The following CHLSN variants were observed in gnomAD, a reference collection of about 807,000 sequenced individuals.
The protein encoded by CHLSN is cholesin.
chr7:1,016,581 GCA>G, the CHLSN span, among the ~76,000 whole-genome samples: 1 of 134,074 alleles, frequency 7.5e-6, no homozygotes, highest in Non-Finnish European at 1.6e-5. Flanking sequence ...GTACACAGCA[GCA>G]CACAGCACCA....
the CHLSN span, among the ~76,000 whole-genome samples, chr7:1,016,491 C>CGCACAGCAGCACAGT: frequency 6.6e-5 from 9 of 135,986 alleles, no homozygotes; most frequent in Middle Eastern, 4.6e-3. Context: ...CAGCACACAG[C>CGCACAGCAGCACAGT]AGCGCACAGC....
chr7:1,096,916 G>A, the CHLSN span, among the ~76,000 whole-genome samples: 7 of 152,142 alleles, frequency 4.6e-5, no homozygotes, highest in African/African-American at 1.7e-4. This position sits in a 1 kb window ranked among gnomAD's most constrained non-coding sequence, Gnocchi z 4.6. Context: ...ACCTTCTTAG[G>A]AGGGTGTTTC....
At chr7:1,099,145 CGG>C in the CHLSN span, among the ~76,000 whole-genome samples, 1 of 137,916 alleles carries the variant, frequency 7.3e-6, no homozygotes, top group Non-Finnish European at 1.6e-5. Context: ...CCTCCCCTTC[CGG>C]AGCCTCGCTG....
chr7:1,016,721 G>A, the CHLSN span, among the ~76,000 whole-genome samples: 1 of 117,528 alleles, frequency 8.5e-6, no homozygotes, highest in Non-Finnish European at 1.8e-5. Flanking sequence ...GCGCACAGCA[G>A]CACACAGCAG....
chr7:1,093,538 C>T, the CHLSN span: 7 of 470,902 alleles, frequency 1.5e-5, no homozygotes, highest in Admixed American at 2.3e-5. Flanking sequence ...GTGGAGCGCC[C>T]GCCGTCTGCT....
chr7:1,055,589 G>A, the CHLSN span: 3 of 377,396 alleles, frequency 7.9e-6, no homozygotes, highest in East Asian at 2.2e-4. Context: ...AGGTGGGAGA[G>A]AGGACGCAGG....
chr7:1,131,066 CT>C, the CHLSN span, among the ~76,000 whole-genome samples: 1 of 151,892 alleles, frequency 6.6e-6, no homozygotes, highest in Admixed American at 6.6e-5. Context: ...TGGTGCACAC[CT>C]GTGGTCCCAG....
the CHLSN span, among the ~76,000 whole-genome samples, chr7:1,100,117 G>A: frequency 6.6e-6 from 1 of 152,252 alleles, no homozygotes; most frequent in Non-Finnish European, 1.5e-5. Flanking sequence ...GCCAGGTGGA[G>A]GGTGCTGAGT....
the CHLSN span, among the ~76,000 whole-genome samples, chr7:1,012,142 G>T: frequency 6.6e-6 from 1 of 152,260 alleles, no homozygotes; most frequent in Non-Finnish European, 1.5e-5. Context: ...CCCACTCCAT[G>T]GGCCACGCAG....
the CHLSN span, among the ~76,000 whole-genome samples, chr7:1,101,036 C>T: frequency 8.5e-4 from 130 of 152,354 alleles, no homozygotes; most frequent in African/African-American, 1.6e-3. Context: ...GGACACAGCC[C>T]GTTTCAGGGA....
the CHLSN span, chr7:1,127,390 C>A: frequency 6.3e-7 from 1 of 1,598,216 alleles, no homozygotes; most frequent in Middle Eastern, 1.7e-4. Context: ...TGCCATCCTG[C>A]AACAGAGAAA....
chr7:1,082,100 C>T, the CHLSN span: 1 of 152,268 alleles, frequency 6.6e-6, no homozygotes, highest in Non-Finnish European at 1.5e-5. Context: ...TGGACAGCCT[C>T]ACGCAGCTTT....
At chr7:1,121,396 C>G in the CHLSN span, among the ~76,000 whole-genome samples, 1 of 152,250 alleles carries the variant, frequency 6.6e-6, no homozygotes, top group African/African-American at 2.4e-5. Flanking sequence ...CACAATCCCA[C>G]TGCCAGGGCA....
chr7:1,009,849 A>T, the CHLSN span: 2 of 1,075,894 alleles, frequency 1.9e-6, no homozygotes, highest in South Asian at 1.7e-5. Context: ...TCACTGCTCT[A>T]GAACCTTCCA....
At chr7:978,623 G>T in the CHLSN span, among the ~76,000 whole-genome samples, 1 of 152,252 alleles carries the variant, frequency 6.6e-6, no homozygotes, top group Admixed American at 6.5e-5. Context: ...CTGGAGCAGT[G>T]CCTGGCACGC....
the CHLSN span, among the ~76,000 whole-genome samples, chr7:1,004,098 G>A: frequency 2.0e-5 from 3 of 152,030 alleles, no homozygotes; most frequent in African/African-American, 7.3e-5. Context: ...CAGTGACGCA[G>A]GGCTCCTGCG....
At chr7:1,133,068 C>T in the CHLSN span, among the ~76,000 whole-genome samples, 8 of 152,078 alleles carry the variant, frequency 5.3e-5, no homozygotes, top group South Asian at 2.1e-4. Flanking sequence ...GGAAACAAGA[C>T]GTGGCGTATT....
the CHLSN span, among the ~76,000 whole-genome samples, chr7:993,176 G>A: frequency 6.6e-6 from 1 of 152,218 alleles, no homozygotes; most frequent in Non-Finnish European, 1.5e-5. Flanking sequence ...TGAGGTCCCA[G>A]TGGGCGGGGG....
the CHLSN span, among the ~76,000 whole-genome samples, chr7:1,032,683 C>T: frequency 3.3e-5 from 5 of 152,204 alleles, no homozygotes; most frequent in African/African-American, 1.2e-4. Context: ...CACCCGCCCA[C>T]ACCGCCAGGC....
Sources: allele counts gnomAD v4.1 joint callset (sites outside exome capture counted in the v4.1 genomes callset), GRCh38; gene constraint gnomAD v4.1.1; non-coding constraint Gnocchi (gnomAD v3.1); transcripts MANE v1.5; gene names NCBI Gene and HGNC (gene_info 2026-07-23, HGNC 2026-07-21).